UNC5D: variants seen among roughly 807,000 people sequenced by gnomAD.
UNC5D encodes the protein netrin receptor UNC5D.
Under a neutral mutation model 105.4 loss-of-function variants are expected in UNC5D, and 39 were observed. The observed-to-expected ratio is 0.37, with a 90% CI of 0.29 to 0.48. The LOEUF is 0.48. Ranked by LOEUF, UNC5D falls within the 20% of genes least tolerant of loss-of-function variation. The probability of loss-of-function intolerance (pLI) is 0.98; values close to 1 mark genes in which losing one functional copy is unlikely to be tolerated. For missense variants in UNC5D, 991 were observed against 1,202.4 expected (o/e 0.82, Z 2.60); for synonymous variants, 452 against 450.4 (o/e 1.00, Z -0.04).
At chr8:35,615,598 C>G (rs968316630) in intron 4 of UNC5D, among the ~76,000 whole-genome samples, 5 of 152,162 alleles carry the variant, frequency 3.3e-5, no homozygotes. Context: ...CCTAATTTAA[C>G]TGGCATGAAC....
chr8:35,437,282 A>G lies in UNC5D; in HGVS notation c.104-112010A>G, dbSNP rs556428885. Among the ~76,000 whole-genome samples, 5 of 152,186 alleles carry G rather than the reference A, an allele frequency of 3.3e-5. No homozygotes were observed. In the South Asian group the frequency reaches 8.3e-4, roughly 25 times the overall value. ...AAAACCATCATATTATGTTTATATTATTGACTTCTTGATTTTTCAATGTGT... is the reference window on the plus strand; with the variant it reads ...AAAACCATCATATTATGTTTATATTGTTGACTTCTTGATTTTTCAATGTGT... On this transcript the variant is annotated intron_variant, in intron 1 of 16. Transcript: ENST00000404895.
intron 11 of UNC5D, among the ~76,000 whole-genome samples, chr8:35,747,508 A>T (rs1830065620): frequency 6.6e-6 from 1 of 152,198 alleles, no homozygotes; most frequent in African/African-American, 2.4e-5. Context: ...TAGTAATAAT[A>T]CCAATTCCAG....
chr8:35,371,630 T>C (rs990336648), intron 1 of UNC5D, among the ~76,000 whole-genome samples: 1 of 152,154 alleles, frequency 6.6e-6, no homozygotes, highest in Non-Finnish European at 1.5e-5. Context: ...TGGTTTGTTA[T>C]GCATTTGTAG....
chr8:35,331,655 AT>A lies in UNC5D; in HGVS notation c.103+95769del, dbSNP rs1810641660. Among the ~76,000 whole-genome samples the A allele has an allele frequency of 1.3e-5, 2 of 152,122 alleles. 1 individual carries two copies. Among genetic ancestry groups the A allele is most frequent in the South Asian group, 4.1e-4 (2 of 4,832 alleles). On this transcript the variant is annotated intron_variant, in intron 1 of 16. Coordinates refer to ENST00000404895, the MANE Select transcript of UNC5D (RefSeq NM_080872.4). The stretch of plus-strand genomic sequence containing the variant: ...TCTGACTCACACAGAAATCTTTTTA[AT>A]GTTTCTTTTTCATCATGAATCAGTT...
At chr8:35,513,271 G>A (rs566799139) in intron 1 of UNC5D, among the ~76,000 whole-genome samples, 9 of 139,790 alleles carry the variant, frequency 6.4e-5, no homozygotes, top group African/African-American at 2.2e-4. Flanking sequence ...CTCTATCACC[G>A]AGGCTGAAGT....
intron 16 of UNC5D, 68 bp from the exon 17 acceptor site, chr8:35,790,291 G>A: frequency 6.8e-7 from 1 of 1,475,606 alleles, no homozygotes; most frequent in Non-Finnish European, 9.4e-7. Context: ...TTCTCTTATG[G>A]TGATCAGTGT....
intron 4 of UNC5D, among the ~76,000 whole-genome samples, chr8:35,673,570 G>A (rs1824979551): frequency 6.6e-6 from 1 of 152,064 alleles, no homozygotes; most frequent in African/African-American, 2.4e-5. Context: ...CGGTAAAATG[G>A]GAAGAATAAG....
intron 1 of UNC5D, among the ~76,000 whole-genome samples, chr8:35,320,583 T>C (rs1809664962): frequency 6.6e-6 from 1 of 152,162 alleles, no homozygotes; most frequent in African/African-American, 2.4e-5. Context: ...CTAAAATACT[T>C]TCATTTCCTT....
intron 16 of UNC5D, among the ~76,000 whole-genome samples, chr8:35,786,162 T>C (rs1039946845): frequency 1.3e-5 from 2 of 152,168 alleles, no homozygotes; most frequent in African/African-American, 4.8e-5. Flanking sequence ...CACAATAGGA[T>C]GTCTGTTAAC....
chr8:35,634,489 T>G (rs530838496), intron 4 of UNC5D, among the ~76,000 whole-genome samples: 1 of 152,286 alleles, frequency 6.6e-6, no homozygotes, highest in South Asian at 2.1e-4. Flanking sequence ...ATAGCTCCTG[T>G]TAGAGCTTTG....
intron 7 of UNC5D, among the ~76,000 whole-genome samples, chr8:35,702,024 A>T (rs1827238496): frequency 6.6e-6 from 1 of 151,910 alleles, no homozygotes; most frequent in Non-Finnish European, 1.5e-5. Flanking sequence ...AAAACACTTA[A>T]AAATGTTTGC....
At chr8:35,416,555 A>C (rs1805546305) in intron 1 of UNC5D, among the ~76,000 whole-genome samples, 1 of 152,194 alleles carries the variant, frequency 6.6e-6, no homozygotes, top group African/African-American at 2.4e-5. Context: ...GGCCCTAAAA[A>C]TATCTAATTG....
At chr8:35,495,050 G>A (rs1254845608) in intron 1 of UNC5D, among the ~76,000 whole-genome samples, 1 of 152,076 alleles carries the variant, frequency 6.6e-6, no homozygotes, top group Non-Finnish European at 1.5e-5. Flanking sequence ...CCGATCCAGT[G>A]AGGGTCAGGA....
chr8:35,416,808 T>A (rs1009764485), intron 1 of UNC5D, among the ~76,000 whole-genome samples: 4 of 152,218 alleles, frequency 2.6e-5, no homozygotes, highest in African/African-American at 9.6e-5. Context: ...AGCCAGTAAG[T>A]ATATAACAAT....
chr8:35,761,624 T>G (rs1434365320), intron 14 of UNC5D, among the ~76,000 whole-genome samples: 1 of 152,238 alleles, frequency 6.6e-6, no homozygotes, highest in Non-Finnish European at 1.5e-5. Context: ...TGAGAAACAA[T>G]TTAATTTTCT....
chr8:35,570,130 G>A (rs564729787), intron 3 of UNC5D, among the ~76,000 whole-genome samples: 2 of 152,242 alleles, frequency 1.3e-5, no homozygotes, highest in South Asian at 2.1e-4. Flanking sequence ...TTAGTTTCCC[G>A]TTGCCATTCA....
chr8:35,289,925 G>A (rs1806910262), intron 1 of UNC5D, among the ~76,000 whole-genome samples: 1 of 152,026 alleles, frequency 6.6e-6, no homozygotes, highest in African/African-American at 2.4e-5. Context: ...GAGCAATATA[G>A]TGAGGCTCTG....
At chr8:35,307,576 C>G (rs1808519451) in intron 1 of UNC5D, among the ~76,000 whole-genome samples, 1 of 152,004 alleles carries the variant, frequency 6.6e-6, no homozygotes, top group South Asian at 2.1e-4. Flanking sequence ...CAGGGATGGA[C>G]AGGGGAAAAG....
intron 1 of UNC5D, among the ~76,000 whole-genome samples, chr8:35,410,211 G>C (rs1178877796): frequency 2.0e-5 from 3 of 151,958 alleles, no homozygotes; most frequent in Non-Finnish European, 4.4e-5. Context: ...ACTGGATAAA[G>C]TAGCAGCTTA....
Sources: gnomAD v4.1 joint callset for allele counts (sites outside exome capture counted in the v4.1 genomes callset) on GRCh38, gnomAD v4.1.1 for gene constraint, MANE v1.5 for transcripts, NCBI Gene and HGNC (gene_info 2026-07-23, HGNC 2026-07-21) for gene names.